Variants in GLRX3 observed in about 807,000 individuals in gnomAD.
GLRX3 encodes glutaredoxin-3.
A neutral mutation model predicts 49.5 loss-of-function variants in GLRX3; 22 were observed. The observed-to-expected ratio is 0.44, with a 90% CI of 0.32 to 0.63. The LOEUF is 0.63. Ranked by LOEUF, GLRX3 falls within the 30% of genes least tolerant of loss-of-function variation. The probability of loss-of-function intolerance (pLI) is 0.05; values close to 1 mark genes in which losing one functional copy is unlikely to be tolerated. For synonymous variants in GLRX3, 133 were observed against 140.0 expected, an observed-to-expected ratio of 0.95 and a Z score of 0.35; for missense variants, 385 against 396.3, an observed-to-expected ratio of 0.97 and a Z score of 0.24.
At chr10:130,148,805 G>A (rs899586051) in intron 2 of GLRX3, among the ~76,000 whole-genome samples, 23 of 152,134 alleles carry the variant, frequency 1.5e-4, no homozygotes, top group Non-Finnish European at 4.4e-5. Context: ...GCTCACACCT[G>A]TAATCCCAGC....
rs2134875954 is a variant in GLRX3, at chr10:130,145,203, AT to A, written c.93-5del. The A allele has an allele frequency of 8.6e-7, 1 of 1,160,436 alleles. No homozygotes were observed. The highest frequency in any genetic ancestry group is 1.4e-5 in the South Asian group (1 of 70,532). 71.9% of individuals were successfully genotyped at this position (1,160,436 alleles called of 1,614,324 possible). ...AATTTTAAATAAATGCATTTAATTGATTTACAGGTCCCTCCTTGTGGTCCAT... is the reference window on the plus strand; with the variant it reads ...AATTTTAAATAAATGCATTTAATTGATTACAGGTCCCTCCTTGTGGTCCAT... On this transcript the variant is annotated splice_polypyrimidine_tract_variant and splice_region_variant and intron_variant, in intron 1 of 10. Coordinates refer to ENST00000331244, the MANE Select transcript of GLRX3 (RefSeq NM_006541.5).
At chr10:130,179,960 T>C (rs1388446396), downstream of GLRX3, among the ~76,000 whole-genome samples, 1 of 152,238 alleles carries the variant, frequency 6.6e-6, no homozygotes, top group Non-Finnish European at 1.5e-5. Context: ...AGTAGTGAAT[T>C]ATCAAGAAAC....
chr10:130,170,866 G>C lies in GLRX3; in HGVS notation c.772-718G>C, dbSNP rs575045973. 5.9e-5 allele frequency among the ~76,000 whole-genome samples: 9 copies of C among 152,286 alleles called. No homozygotes were observed. In the South Asian group the frequency reaches 1.9e-3, roughly 32 times the overall value. ...AAAATAAATGAGGCTGGATGCGGTA[G>C]CTCATGCCTGTAATCCCAGCACTTT... On this transcript the variant is annotated intron_variant, in intron 7 of 10. Transcript: ENST00000331244.
intron 8 of GLRX3, 64 bp from the exon 9 acceptor site, chr10:130,174,803 G>A: frequency 3.0e-6 from 3 of 987,590 alleles, no homozygotes; most frequent in Non-Finnish European, 4.8e-6. Flanking sequence ...AACATCAAAT[G>A]CATAGAGGTT....
chr10:130,157,486 GGCCGCC>G (rs1476631276), intron 2 of GLRX3, among the ~76,000 whole-genome samples: 1 of 45,432 alleles, frequency 2.2e-5, no homozygotes. Flanking sequence ...ATTGGATGGT[GGCCGCC>G]GCCCCCCCCC....
intron 2 of GLRX3, among the ~76,000 whole-genome samples, chr10:130,152,553 C>T: frequency 6.6e-6 from 1 of 152,078 alleles, no homozygotes; most frequent in East Asian, 1.9e-4. Context: ...TTTATTTCTC[C>T]TTCACTTATG....
chr10:130,174,042 C>T (rs1002457458), intron 8 of GLRX3, among the ~76,000 whole-genome samples: 2 of 152,210 alleles, frequency 1.3e-5, no homozygotes, highest in East Asian at 1.9e-4. Flanking sequence ...TACCTGACCA[C>T]CTAACGGTGA....
intron 1 of GLRX3, among the ~76,000 whole-genome samples, 178 bp downstream of exon 1, chr10:130,136,690 C>T (rs1440533205): frequency 1.3e-5 from 2 of 152,144 alleles, no homozygotes; most frequent in African/African-American, 4.8e-5. Context: ...GTGAGTGGCC[C>T]GAGCCGCAGG....
chr10:130,145,284 T>G lies in GLRX3; in HGVS notation c.166T>G (p.Leu56Val), dbSNP rs1403678954. Residue 56 changes from leucine to valine, a missense_variant, in exon 2 of 11, where the codon TTA becomes GTA. Transcript: ENST00000331244. ...ACAGATGAACGAAGTTATGGCAGAG[T>G]TAGCTAAAGAACTCCCTCAAGTTTC... ...CAQMNEVMAE[L>V]AKELPQVSFV... The G allele has an allele frequency of 6.5e-7, 1 of 1,548,860 alleles. No homozygotes were observed. Among genetic ancestry groups the G allele is most frequent in the South Asian group, 1.1e-5 (1 of 89,590 alleles).
intron 1 of GLRX3, among the ~76,000 whole-genome samples, chr10:130,144,041 A>C (rs1435392662): frequency 6.6e-6 from 1 of 152,168 alleles, no homozygotes; most frequent in African/African-American, 2.4e-5. Context: ...GTATAAAAAA[A>C]AGTCTTTGTG....
chr10:130,167,740 A>T (rs1862720764), intron 6 of GLRX3, among the ~76,000 whole-genome samples: 1 of 152,180 alleles, frequency 6.6e-6, no homozygotes, highest in Non-Finnish European at 1.5e-5. Flanking sequence ...AAAGTGTTTA[A>T]TAATAATAAA....
intron 2 of GLRX3, among the ~76,000 whole-genome samples, chr10:130,152,612 A>G (rs564912931): frequency 3.9e-5 from 6 of 152,100 alleles, no homozygotes; most frequent in Non-Finnish European, 8.8e-5. Flanking sequence ...ATTCTTTAAG[A>G]ATGTTGAATA....
intron 2 of GLRX3, 133 bp from the exon 3 acceptor site, chr10:130,159,862 C>T: frequency 3.7e-6 from 5 of 1,339,680 alleles, no homozygotes; most frequent in Non-Finnish European, 5.0e-6. Context: ...GTAAATGTGT[C>T]ATAAACTTTT....
At chr10:130,147,654 A>G (rs1449057343) in intron 2 of GLRX3, among the ~76,000 whole-genome samples, 1 of 149,944 alleles carries the variant, frequency 6.7e-6, no homozygotes, top group African/African-American at 2.5e-5. Flanking sequence ...GGTACTTTCC[A>G]TGGCATTTGT....
At chr10:130,175,956 A>C (rs1234866254) in intron 10 of GLRX3, among the ~76,000 whole-genome samples, 1 of 152,238 alleles carries the variant, frequency 6.6e-6, no homozygotes, top group Non-Finnish European at 1.5e-5. Flanking sequence ...GCTCAGGGGC[A>C]TGAACAAAAC....
chr10:130,145,986 G>A (rs1430446209), intron 2 of GLRX3, among the ~76,000 whole-genome samples: 1 of 152,044 alleles, frequency 6.6e-6, no homozygotes, highest in African/African-American at 2.4e-5. Context: ...GTAGAGATGG[G>A]GTTTCACCAT....
Position 130,156,374 on chromosome 10 carries a change from C to G in GLRX3, c.202-3621C>G, listed in dbSNP as rs374288789. Among the ~76,000 whole-genome samples, 40 of 152,334 alleles carry G rather than the reference C, an allele frequency of 2.6e-4. No homozygotes were observed. In the South Asian group the frequency reaches 5.4e-3, roughly 21 times the overall value. ...GCCTAATCACCTCCCAAAGGCCCCT[C>G]TTAATTGCTATCACCTTTGATGTTA... is the stretch of plus-strand genomic sequence containing the variant. On this transcript the variant is annotated intron_variant, in intron 2 of 10. Coordinates refer to ENST00000331244, the MANE Select transcript of GLRX3 (RefSeq NM_006541.5).
chr10:130,149,196 G>T (rs1356678463), intron 2 of GLRX3, among the ~76,000 whole-genome samples: 1 of 152,114 alleles, frequency 6.6e-6, no homozygotes, highest in Admixed American at 6.6e-5. Flanking sequence ...ACCTCCTAGG[G>T]CCCAGAGGAG....
intron 6 of GLRX3, among the ~76,000 whole-genome samples, chr10:130,167,352 C>T (rs966664273): frequency 2.6e-5 from 4 of 152,280 alleles, no homozygotes; most frequent in South Asian, 2.1e-4. Context: ...GTGACTGCTG[C>T]GGGTGCTGCC....
Sources: gnomAD v4.1 joint callset for allele counts (sites outside exome capture counted in the v4.1 genomes callset) on GRCh38, gnomAD v4.1.1 for gene constraint, MANE v1.5 for transcripts, NCBI Gene and HGNC (gene_info 2026-07-23, HGNC 2026-07-21) for gene names.